The following MTHFD1L variants were observed in gnomAD, a reference collection of about 807,000 sequenced individuals.
The protein encoded by MTHFD1L is monofunctional C1-tetrahydrofolate synthase, mitochondrial.
MTHFD1L carries 81 observed loss-of-function variants against 119.5 expected under a neutral mutation model. The observed-to-expected ratio is 0.68, with a 90% CI of 0.57 to 0.82. The LOEUF is 0.82. Ranked by LOEUF, MTHFD1L falls within the 40% of genes least tolerant of loss-of-function variation. MTHFD1L has a pLI of 0.00. For missense variants in MTHFD1L, 1,125 were observed against 1,253.4 expected, an observed-to-expected ratio of 0.90 and a Z score of 1.55; for synonymous variants, 430 against 475.2, an observed-to-expected ratio of 0.90 and a Z score of 1.24.
At chr6:151,067,108 C>T (rs1400891041) in intron 26 of MTHFD1L, among the ~76,000 whole-genome samples, 2 of 151,616 alleles carry the variant, frequency 1.3e-5, no homozygotes, top group Non-Finnish European at 2.9e-5. Flanking sequence ...ATTCTCCTGC[C>T]TCAGCCTCCT....
chr6:150,993,338 T>C (rs1038761655), intron 20 of MTHFD1L, among the ~76,000 whole-genome samples: 5 of 152,152 alleles, frequency 3.3e-5, no homozygotes, highest in Non-Finnish European at 7.4e-5. Context: ...GTGGGTTTTT[T>C]TTTGGACAGT....
chr6:151,050,614 C>T (rs926543952), intron 26 of MTHFD1L, among the ~76,000 whole-genome samples: 2 of 152,134 alleles, frequency 1.3e-5, no homozygotes, highest in South Asian at 2.1e-4. Flanking sequence ...CCCAGACTTG[C>T]GACTGGTATG....
At chr6:151,088,041 T>C (rs1793989551) in intron 26 of MTHFD1L, 1 of 152,214 alleles carries the variant, frequency 6.6e-6, no homozygotes, top group Admixed American at 6.5e-5. Context: ...TCCCAACGGC[T>C]GTCTGGGCTC....
rs768297761 is a variant in MTHFD1L at position 151,014,842 on chromosome 6, A to G, written c.2308-38A>G. On this transcript the variant is annotated intron_variant, in intron 22 of 27. Coordinates refer to ENST00000367321, the MANE Select transcript of MTHFD1L (RefSeq NM_015440.5). Reference sequence around the variant, plus strand: ...CTTGGCAGGTTTGGTGGGAGACAATACACAGGGGTCTGGGTTTTGCTTTTT... The same window carrying G: ...CTTGGCAGGTTTGGTGGGAGACAATGCACAGGGGTCTGGGTTTTGCTTTTT... The G allele has an allele frequency of 8.3e-6, 13 of 1,562,746 alleles. No individual in the cohort carries two copies. The Admixed American group carries it at 1.4e-4, about 16-fold the overall frequency.
intron 13 of MTHFD1L, among the ~76,000 whole-genome samples, chr6:150,939,702 T>TTTTTTTTTA (rs1792751088): frequency 5.4e-5 from 8 of 149,016 alleles, no homozygotes; most frequent in Non-Finnish European, 5.9e-5. Flanking sequence ...TTTTTTTTTT[T>TTTTTTTTTA]GAGACAGAGT....
At chr6:150,982,136 T>G (rs1238809198) in intron 20 of MTHFD1L, among the ~76,000 whole-genome samples, 1 of 147,244 alleles carries the variant, frequency 6.8e-6, no homozygotes, top group Non-Finnish European at 1.5e-5. Flanking sequence ...GAGAGAGAGA[T>G]AATACTTTTT....
intron 22 of MTHFD1L, among the ~76,000 whole-genome samples, chr6:151,014,495 T>G (rs1373023067): frequency 1.3e-5 from 2 of 152,238 alleles, no homozygotes; most frequent in Non-Finnish European, 2.9e-5. Flanking sequence ...GACTTTGATT[T>G]GCTGGCAGCA....
chr6:151,077,792 G>C (rs551325353), intron 26 of MTHFD1L, among the ~76,000 whole-genome samples: 1 of 150,936 alleles, frequency 6.6e-6, no homozygotes, highest in East Asian at 2.0e-4. Context: ...GGCCAGGCGC[G>C]GTGGCTCACG....
chr6:150,961,089 C>CTTTTTTTTTTT (rs35978918), intron 18 of MTHFD1L, among the ~76,000 whole-genome samples: 1 of 113,406 alleles, frequency 8.8e-6, no homozygotes. Context: ...TTCCTGTTAA[C>CTTTTTTTTTTT]TTTTTTTTTT....
rs1351383387 is a variant in MTHFD1L, at chr6:151,039,968, A to G, written c.2847+2851A>G. On this transcript the variant is annotated intron_variant, in intron 26 of 27. Transcript: ENST00000367321. The surrounding 1 kb of genome is among the most constrained non-coding windows in gnomAD (Gnocchi z 4.4). Reference sequence around the variant, plus strand: ...TACATGCATACATGCATACATGCATACATAGAATGGCCTCAGTGATGGCCA... The same window carrying G: ...TACATGCATACATGCATACATGCATGCATAGAATGGCCTCAGTGATGGCCA... Among the ~76,000 whole-genome samples the G allele has an allele frequency of 1.3e-5, 2 of 151,584 alleles. No individual in the cohort carries two copies. The highest frequency in any genetic ancestry group is 4.8e-5 in the African/African-American group (2 of 41,280).
At chr6:150,965,435 C>T (rs1286590415) in intron 19 of MTHFD1L, among the ~76,000 whole-genome samples, 1 of 151,978 alleles carries the variant, frequency 6.6e-6, no homozygotes, top group Admixed American at 6.6e-5. Context: ...CCGAGGTGGG[C>T]GGATTATGAG....
At chr6:150,992,638 G>C (rs1450749525) in intron 20 of MTHFD1L, among the ~76,000 whole-genome samples, 1 of 152,188 alleles carries the variant, frequency 6.6e-6, no homozygotes, top group African/African-American at 2.4e-5. Context: ...TGAGTATGTG[G>C]TTACATCTTC....
In MTHFD1L at chr6:150,948,709, T is replaced by C. The variant is rs147875372; in HGVS notation, c.1624-322T>C. The stretch of plus-strand genomic sequence containing the variant: ...AGGCTGGAGTGCAATGGCACGATTT[T>C]GGCTCACCGCAACCTCCGCCTCCCA... On this transcript the variant is annotated intron_variant, in intron 15 of 27. Transcript: ENST00000367321. Among the ~76,000 whole-genome samples, 1,180 of 151,198 alleles carry C rather than the reference T, an allele frequency of 7.8e-3. 18 individuals carry two copies. Among genetic ancestry groups the C allele is most frequent in the African/African-American group, 0.027 (1,115 of 41,240 alleles).
chr6:150,932,897 A>AGGAAGG (rs1791394354), intron 11 of MTHFD1L, among the ~76,000 whole-genome samples: 1 of 151,002 alleles, frequency 6.6e-6, no homozygotes, highest in Admixed American at 6.6e-5. Context: ...GAAGGAAGGA[A>AGGAAGG]AAGAGAGAAA....
rs867357696 is a variant in MTHFD1L, at chr6:150,885,573, C to G, written c.543-61C>G. ...ATTTGGGGTTAATATATGTACATTACACGTGAGTGATTTTTTTGGCTGGGC... is the reference window on the plus strand; with the variant it reads ...ATTTGGGGTTAATATATGTACATTAGACGTGAGTGATTTTTTTGGCTGGGC... On this transcript the variant is annotated intron_variant, in intron 5 of 27. Transcript: ENST00000367321. 2.3e-5 allele frequency: 28 copies of G among 1,217,886 alleles called. 1 individual carries two copies. The Middle Eastern group carries it at 4.0e-3, about 174-fold the overall frequency. 75.4% of individuals were successfully genotyped at this position (1,217,886 alleles called of 1,614,324 possible). A position where few individuals can be genotyped will look rare whatever the true frequency, so the allele number is the denominator to read the frequency against.
intron 20 of MTHFD1L, among the ~76,000 whole-genome samples, chr6:150,987,278 G>C (rs1415335732): frequency 6.6e-6 from 1 of 152,058 alleles, no homozygotes; most frequent in Admixed American, 6.5e-5. Context: ...ATAGAGGTTT[G>C]AGAGCCCTTT....
chr6:150,878,547 C>T (rs1249639066), intron 4 of MTHFD1L, among the ~76,000 whole-genome samples: 8 of 152,116 alleles, frequency 5.3e-5, no homozygotes, highest in Non-Finnish European at 8.8e-5. Context: ...CTACTGTGCC[C>T]GGCCTAGAAG....
chr6:150,989,524 C>T (rs1778770657), intron 20 of MTHFD1L, among the ~76,000 whole-genome samples: 1 of 152,148 alleles, frequency 6.6e-6, no homozygotes, highest in Non-Finnish European at 1.5e-5. Context: ...AGGCAACTGA[C>T]AACTTATTTT....
At chr6:150,999,020 T>C (rs1033868673) in intron 20 of MTHFD1L, among the ~76,000 whole-genome samples, 5 of 149,994 alleles carry the variant, frequency 3.3e-5, no homozygotes, top group African/African-American at 1.2e-4. Flanking sequence ...ATATATATAG[T>C]TTAGGCTATG....
Sources: allele counts gnomAD v4.1 joint callset (sites outside exome capture counted in the v4.1 genomes callset), GRCh38; gene constraint gnomAD v4.1.1; non-coding constraint Gnocchi (gnomAD v3.1); transcripts MANE v1.5; gene names NCBI Gene and HGNC (gene_info 2026-07-23, HGNC 2026-07-21).